IGF1R: variants seen among roughly 807,000 people sequenced by gnomAD.
IGF1R encodes the protein insulin like growth factor 1 receptor, also known as insulin-like growth factor 1 receptor.
Under a neutral mutation model 144.6 loss-of-function variants are expected in IGF1R, and 44 were observed. The ratio of observed to expected loss-of-function variants is 0.30; its 90% confidence interval spans 0.24 to 0.39. IGF1R has a LOEUF of 0.39. IGF1R is among the 10% of genes least tolerant of loss of function. The pLI, the probability that IGF1R is intolerant of heterozygous loss-of-function variation, is 1.00. For missense variants in IGF1R, 1,355 were observed against 1,833.7 expected (o/e 0.74, Z 4.77); for synonymous variants, 795 against 722.8 (o/e 1.10, Z -1.60).
At chr15:98,836,175 A>G (rs2057096744) in intron 2 of IGF1R, among the ~76,000 whole-genome samples, 1 of 149,676 alleles carries the variant, frequency 6.7e-6, no homozygotes. Flanking sequence ...GAGAAACTGA[A>G]CTGATTTTTT....
chr15:98,860,707 T>C (rs1166157970), intron 2 of IGF1R, among the ~76,000 whole-genome samples: 3 of 152,212 alleles, frequency 2.0e-5, no homozygotes, highest in Non-Finnish European at 4.4e-5. Flanking sequence ...TATTGTGTTC[T>C]TATGGTTTGG....
intron 2 of IGF1R, among the ~76,000 whole-genome samples, chr15:98,810,410 T>C (rs1034242371): frequency 6.6e-6 from 1 of 152,180 alleles, no homozygotes; most frequent in African/African-American, 2.4e-5. Flanking sequence ...AATGTTTTAT[T>C]TTGGTCTCTT....
intron 2 of IGF1R, among the ~76,000 whole-genome samples, chr15:98,810,694 G>T (rs1232446421): frequency 1.3e-5 from 2 of 151,910 alleles, no homozygotes; most frequent in Non-Finnish European, 2.9e-5. Flanking sequence ...GACTACAGGC[G>T]CCCGCCACCA....
intron 2 of IGF1R, among the ~76,000 whole-genome samples, chr15:98,757,880 T>C (rs1389248487): frequency 2.6e-5 from 4 of 152,246 alleles, no homozygotes; most frequent in East Asian, 3.8e-4. Flanking sequence ...TCAATTCCCA[T>C]GTTAATTGAA....
chr15:98,960,024 C>T lies in IGF1R; in HGVS notation c.*2582C>T, dbSNP rs562113706. 1 of 233,018 alleles carries T rather than the reference C, an allele frequency of 4.3e-6. No individual in the cohort carries two copies. The highest frequency in any genetic ancestry group is 8.5e-6 in the Non-Finnish European group (1 of 117,988). 14.4% of individuals were successfully genotyped at this position (233,018 alleles called of 1,614,324 possible). On this transcript the variant is annotated 3_prime_UTR_variant, in exon 21 of 21. Transcript: ENST00000650285. ...TGTGTGTGAGAGTGATGGGACAGTTCTTGATTTTTTGGGTTTTTTTTCCCC... is the reference window on the plus strand; with the variant it reads ...TGTGTGTGAGAGTGATGGGACAGTTTTTGATTTTTTGGGTTTTTTTTCCCC...
At chr15:98,746,010 T>TA (rs1204583175) in intron 2 of IGF1R, among the ~76,000 whole-genome samples, 1 of 152,200 alleles carries the variant, frequency 6.6e-6, no homozygotes, top group Non-Finnish European at 1.5e-5. Context: ...TACACTAAGA[T>TA]ATATGCACAA....
chr15:98,869,434 C>CTTT lies in IGF1R; in HGVS notation c.641-21875_641-21873dup, dbSNP rs60569365. Among the ~76,000 whole-genome samples, 986 of 134,920 alleles carry CTTT rather than the reference C, an allele frequency of 7.3e-3. 15 individuals are homozygous for CTTT. Among genetic ancestry groups the CTTT allele is most frequent in the African/African-American group, 0.024 (854 of 36,066 alleles). The allele number at this position is 134,920 out of a possible 152,430, so 88.5% of individuals were successfully genotyped here. A position where few individuals can be genotyped will look rare whatever the true frequency, so the allele number is the denominator to read the frequency against. On this transcript the variant is annotated intron_variant, in intron 2 of 20. Transcript: ENST00000650285. ...CCTGGAACCTGGCTCCCTTGAGATTCTTTTTTTTTTTTTTTTTTAGACGGC... is the reference window on the plus strand; with the variant it reads ...CCTGGAACCTGGCTCCCTTGAGATTCTTTTTTTTTTTTTTTTTTTTTAGACGGC...
rs544674838 is a variant in IGF1R, at chr15:98,649,525, C to CTTTTTTTTTTTTTTTTTTTTTTTTT, written c.-33_-32insTTTTTTTTTTTTTTTTTTTTTTTTT. The stretch of plus-strand genomic sequence containing the variant: ...TCATTTCCTTTTTTTCTTTTCTTTT[C>CTTTTTTTTTTTTTTTTTTTTTTTTT]TTTTTTTTTTTTTTTTTTTTTTTTG... On this transcript the variant is annotated 5_prime_UTR_variant, in exon 1 of 21. Coordinates refer to ENST00000650285, the MANE Select transcript of IGF1R (RefSeq NM_000875.5). 3 of 726,204 alleles carry CTTTTTTTTTTTTTTTTTTTTTTTTT rather than the reference C, an allele frequency of 4.1e-6. No homozygotes were observed. Among genetic ancestry groups the CTTTTTTTTTTTTTTTTTTTTTTTTT allele is most frequent in the South Asian group, 1.8e-5 (1 of 56,202 alleles). 45.0% of individuals were successfully genotyped at this position (726,204 alleles called of 1,614,324 possible). A position where few individuals can be genotyped will look rare whatever the true frequency, so the allele number is the denominator to read the frequency against.
At chr15:98,733,490 T>TG (rs987516237) in intron 2 of IGF1R, among the ~76,000 whole-genome samples, 1 of 149,714 alleles carries the variant, frequency 6.7e-6, no homozygotes, top group Non-Finnish European at 1.5e-5. Flanking sequence ...CTGAGAAGGT[T>TG]TTTTTTTTTT....
intron 19 of IGF1R, among the ~76,000 whole-genome samples, chr15:98,945,985 G>A (rs541858673): frequency 1.1e-4 from 16 of 152,088 alleles, no homozygotes; most frequent in African/African-American, 2.7e-4. Flanking sequence ...GCTCTTGGGG[G>A]TGTGGAAGAT....
intron 20 of IGF1R, among the ~76,000 whole-genome samples, chr15:98,956,552 C>T: frequency 6.6e-6 from 1 of 152,200 alleles, no homozygotes; most frequent in East Asian, 1.9e-4. Flanking sequence ...GGTAGCCCTG[C>T]ACCAGGAGGA....
At chr15:98,658,618 C>T (rs573048395) in intron 1 of IGF1R, among the ~76,000 whole-genome samples, 3 of 152,308 alleles carry the variant, frequency 2.0e-5, no homozygotes, top group African/African-American at 7.2e-5. Context: ...TGATTCCTTT[C>T]CCCCATATGC....
At chr15:98,804,871 T>A (rs2056439467) in intron 2 of IGF1R, among the ~76,000 whole-genome samples, 1 of 152,126 alleles carries the variant, frequency 6.6e-6, no homozygotes, top group Admixed American at 6.5e-5. Context: ...ATTTTTTGAA[T>A]TTTTAGTAGA....
At chr15:98,839,270 G>T (rs1331045018) in intron 2 of IGF1R, among the ~76,000 whole-genome samples, 1 of 152,196 alleles carries the variant, frequency 6.6e-6, no homozygotes, top group Non-Finnish European at 1.5e-5. Flanking sequence ...TTTGGCCAAG[G>T]AAGTGCAGCT....
At chr15:98,818,507 C>T (rs1048233072) in intron 2 of IGF1R, among the ~76,000 whole-genome samples, 5 of 150,908 alleles carry the variant, frequency 3.3e-5, no homozygotes, top group African/African-American at 1.2e-4. Flanking sequence ...ATGTTGGTGG[C>T]TTGAACCAGT....
At chr15:98,733,581 A>G (rs1379172223) in intron 2 of IGF1R, among the ~76,000 whole-genome samples, 2 of 151,464 alleles carry the variant, frequency 1.3e-5, no homozygotes, top group African/African-American at 4.9e-5. Context: ...CTCCACTGCT[A>G]TTGCATGGCC....
At position 98,916,529 on chromosome 15, in the gene IGF1R, T is replaced by C. The variant is rs183416297; in HGVS notation, c.1997-143T>C. The stretch of plus-strand genomic sequence containing the variant: ...TGCCCGCCTCGGCCTCCCAAAGTGC[T>C]GGGATTATAGCCTTGAGCCACCACA... On this transcript the variant is annotated intron_variant, in intron 9 of 20. Coordinates refer to ENST00000650285, the MANE Select transcript of IGF1R (RefSeq NM_000875.5). 2.5e-4 allele frequency: 203 copies of C among 800,882 alleles called. 1 individual carries two copies. In the East Asian group the frequency reaches 3.8e-3, roughly 15 times the overall value. 49.6% of individuals were successfully genotyped at this position (800,882 alleles called of 1,614,324 possible). A position where few individuals can be genotyped will look rare whatever the true frequency, so the allele number is the denominator to read the frequency against.
intron 2 of IGF1R, among the ~76,000 whole-genome samples, chr15:98,794,810 A>G (rs1383318273): frequency 3.3e-5 from 5 of 152,208 alleles, no homozygotes; most frequent in Non-Finnish European, 7.3e-5. Context: ...CAAGCTCTCC[A>G]ACTGGAAAAT....
chr15:98,702,805 G>A (rs987447005), intron 1 of IGF1R, among the ~76,000 whole-genome samples: 2 of 152,100 alleles, frequency 1.3e-5, no homozygotes, highest in African/African-American at 4.8e-5. Flanking sequence ...AGGTGTTATG[G>A]TGTACCCCTG....
Sources: allele counts gnomAD v4.1 joint callset (sites outside exome capture counted in the v4.1 genomes callset), GRCh38; gene constraint gnomAD v4.1.1; transcripts MANE v1.5; gene names NCBI Gene and HGNC (gene_info 2026-07-23, HGNC 2026-07-21).